HADHA: variants seen among roughly 807,000 people sequenced by gnomAD.
The protein encoded by HADHA is trifunctional enzyme subunit alpha, mitochondrial.
HADHA carries 59 observed loss-of-function variants against 91.3 expected under a neutral mutation model. The observed-to-expected ratio is 0.65, with a 90% CI of 0.52 to 0.80. The LOEUF is 0.80. HADHA is among the 30% of genes least tolerant of loss of function. HADHA has a pLI of 0.00. For missense variants in HADHA, 800 were observed against 927.6 expected, an observed-to-expected ratio of 0.86 and a Z score of 1.79; for synonymous variants, 320 against 338.9, an observed-to-expected ratio of 0.94 and a Z score of 0.61.
rs763518007 is a variant in HADHA, at chr2:26,237,005, T to C, written c.181-17A>G. Reference sequence around the variant, plus strand: ...TGTATTTACCTGCCAAAGGGAAATATATACAGGTAAGGGTTTAAATTTGAA... The same window carrying C: ...TGTATTTACCTGCCAAAGGGAAATACATACAGGTAAGGGTTTAAATTTGAA... On this transcript the variant is annotated splice_polypyrimidine_tract_variant and intron_variant, in intron 3 of 19. Transcript: ENST00000380649. 8.2e-6 allele frequency: 13 copies of C among 1,589,174 alleles called. No homozygotes were observed. In the East Asian group the frequency reaches 2.0e-4, roughly 25 times the overall value.
At chr2:26,223,402 T>C (rs1055889997) in intron 7 of HADHA, among the ~76,000 whole-genome samples, 4 of 152,234 alleles carry the variant, frequency 2.6e-5, no homozygotes, top group Non-Finnish European at 5.9e-5. Context: ...CACATGGGAC[T>C]GCTAGTGGCC....
At chr2:26,197,211 A>G (rs562372597) in intron 14 of HADHA, among the ~76,000 whole-genome samples, 1 of 152,292 alleles carries the variant, frequency 6.6e-6, no homozygotes, top group East Asian at 1.9e-4. Flanking sequence ...TCTGGGCATC[A>G]TTCCAAATAC....
chr2:26,213,747 T>C (rs1023013310), intron 9 of HADHA, among the ~76,000 whole-genome samples: 12 of 152,166 alleles, frequency 7.9e-5, no homozygotes, highest in Admixed American at 5.2e-4. Context: ...TTAACACATA[T>C]ATATATCTAA....
At chr2:26,198,520 C>T (rs1443482963) in intron 13 of HADHA, among the ~76,000 whole-genome samples, 1 of 151,782 alleles carries the variant, frequency 6.6e-6, no homozygotes, top group East Asian at 1.9e-4. Context: ...GGAAGGGACA[C>T]CTGTCAAATG....
intron 4 of HADHA, among the ~76,000 whole-genome samples, chr2:26,235,878 C>T (rs550134425): frequency 8.7e-4 from 133 of 152,292 alleles, no homozygotes; most frequent in African/African-American, 3.0e-3. Context: ...TGCATTCCAC[C>T]ATTTAGCAGA....
intron 7 of HADHA, among the ~76,000 whole-genome samples, chr2:26,228,305 A>G (rs1273802907): frequency 6.6e-6 from 1 of 151,956 alleles, no homozygotes; most frequent in African/African-American, 2.4e-5. Context: ...TAATTTTTGT[A>G]TTTTTAGTAG....
intron 14 of HADHA, among the ~76,000 whole-genome samples, chr2:26,196,070 A>G (rs1487704997): frequency 6.6e-6 from 1 of 152,212 alleles, no homozygotes; most frequent in African/African-American, 2.4e-5. Flanking sequence ...CTCATTATCT[A>G]CCTGCTCTTC....
intron 11 of HADHA, among the ~76,000 whole-genome samples, chr2:26,208,366 T>C (rs929030242): frequency 4.6e-5 from 7 of 152,192 alleles, no homozygotes; most frequent in African/African-American, 1.7e-4. Context: ...TTCCAAGGGG[T>C]ATTTTATTGT....
chr2:26,197,495 G>T (rs1036452964), intron 14 of HADHA, among the ~76,000 whole-genome samples, 196 bp downstream of exon 14: 19 of 152,126 alleles, frequency 1.2e-4, no homozygotes, highest in African/African-American at 4.6e-4. Context: ...TCCTTGAAAA[G>T]GATATTTTTT....
chr2:26,233,848 A>G (rs1391106323), intron 5 of HADHA, among the ~76,000 whole-genome samples: 3 of 152,212 alleles, frequency 2.0e-5, no homozygotes, highest in Admixed American at 6.5e-5. Context: ...TGGGAGGCCG[A>G]GGCGGGAGGA....
intron 7 of HADHA, among the ~76,000 whole-genome samples, chr2:26,219,441 A>G (rs921117424): frequency 6.6e-6 from 1 of 152,198 alleles, no homozygotes; most frequent in African/African-American, 2.4e-5. Context: ...AAAATTATTA[A>G]TCCAAAAGAA....
chr2:26,235,765 A>G (rs1386044516), intron 4 of HADHA, among the ~76,000 whole-genome samples: 2 of 152,254 alleles, frequency 1.3e-5, no homozygotes, highest in African/African-American at 4.8e-5. Flanking sequence ...CCATATTTTA[A>G]TGGAATTGAC....
At chr2:26,242,071 C>T (rs12990692) in intron 1 of HADHA, among the ~76,000 whole-genome samples, 30,647 of 152,012 alleles carry the variant, frequency 0.2, 3,156 homozygotes, top group Middle Eastern at 0.26. Flanking sequence ...CTGGCCAATT[C>T]TGGTATTTTT....
chr2:26,197,805 G>C (rs1669716086), intron 13 of HADHA, 28 bp from the exon 14 acceptor site: 1 of 1,107,176 alleles, frequency 9.0e-7, no homozygotes, highest in Non-Finnish European at 1.4e-6. Context: ...TTAACAATGT[G>C]TCAGGTAGGC....
intron 7 of HADHA, among the ~76,000 whole-genome samples, chr2:26,227,384 C>T (rs577387667): frequency 9.9e-5 from 15 of 151,970 alleles, no homozygotes; most frequent in African/African-American, 1.4e-4. Flanking sequence ...TGGTGGTGGG[C>T]GCCTGTAGTC....
chr2:26,194,359 GCTGTGGGGCAGAGGGAAAGCT>G (rs1669601371), intron 16 of HADHA, among the ~76,000 whole-genome samples, 190 bp downstream of exon 16: 1 of 152,172 alleles, frequency 6.6e-6, no homozygotes, highest in South Asian at 2.1e-4. Context: ...CAGTGAGGAG[GCTGTGGGGCAGAGGGAAAGCT>G]CTGCCCCTTT....
At chr2:26,234,444 T>G in intron 4 of HADHA, 89 bp from the exon 5 acceptor site, 1 of 1,099,370 alleles carries the variant, frequency 9.1e-7, no homozygotes, top group Non-Finnish European at 1.4e-6. Context: ...ACTTATCCTA[T>G]CATGCATCAA....
At chr2:26,243,588 C>T (rs779237357) in intron 1 of HADHA, among the ~76,000 whole-genome samples, 5 of 151,736 alleles carry the variant, frequency 3.3e-5, no homozygotes, top group Non-Finnish European at 7.4e-5. Context: ...AGCTACTTGT[C>T]TAAAAAAAGC....
In HADHA at chr2:26,221,060, C is replaced by T. The variant is rs557674882; in HGVS notation, c.677-5885G>A. On this transcript the variant is annotated intron_variant, in intron 7 of 19. Coordinates refer to ENST00000380649, the MANE Select transcript of HADHA (RefSeq NM_000182.5). This position sits in a 1 kb window ranked among gnomAD's most constrained non-coding sequence, Gnocchi z 4.8. ...GGCAAAGGGTAAGTGTTGCACGTGG[C>T]CCCTCCTACCACAAAAAAACACGGA... Among the ~76,000 whole-genome samples, 4 of 152,264 alleles carry T rather than the reference C, an allele frequency of 2.6e-5. No individual in the cohort carries two copies. Among genetic ancestry groups the T allele is most frequent in the Non-Finnish European group, 5.9e-5 (4 of 68,020 alleles).
Sources: allele counts gnomAD v4.1 joint callset (sites outside exome capture counted in the v4.1 genomes callset), GRCh38; gene constraint gnomAD v4.1.1; non-coding constraint Gnocchi (gnomAD v3.1); transcripts MANE v1.5; gene names NCBI Gene and HGNC (gene_info 2026-07-23, HGNC 2026-07-21).